PDCD4: variants seen among roughly 807,000 people sequenced by gnomAD.
PDCD4 encodes the protein programmed cell death 4, also known as programmed cell death protein 4.
PDCD4 carries 56 observed loss-of-function variants against 54.0 expected under a neutral mutation model. The observed-to-expected ratio is 1.04, with a 90% confidence interval of 0.84 to 1.30. PDCD4 has a LOEUF of 1.30. Among genes scored for constraint, PDCD4 ranks in the 50% most tolerant of loss-of-function variants. The probability of loss-of-function intolerance (pLI) is 0.00; values close to 1 mark genes in which losing one functional copy is unlikely to be tolerated. For synonymous variants in PDCD4, 186 were observed against 194.8 expected (o/e 0.95, Z 0.37); for missense variants, 584 against 559.8 (o/e 1.04, Z -0.44).
chr10:110,875,955 TA>T lies in PDCD4; in HGVS notation c.-62-4del. 5 of 1,261,008 alleles carry T rather than the reference TA, an allele frequency of 4.0e-6. No individual in the cohort carries two copies. The highest frequency in any genetic ancestry group is 2.3e-5 in the Admixed American group (1 of 43,480). 78.1% of individuals were successfully genotyped at this position (1,261,008 alleles called of 1,614,324 possible). A position where few individuals can be genotyped will look rare whatever the true frequency, so the allele number is the denominator to read the frequency against. On this transcript the variant is annotated splice_polypyrimidine_tract_variant and intron_variant, in intron 1 of 11. Transcript: ENST00000280154. Reference sequence around the variant, plus strand: ...ATCTTGAAGCTTTCTTTTTTTCTTTTAAAAAAACAGATTCTGAAGGAAGATT... The same window carrying T: ...ATCTTGAAGCTTTCTTTTTTTCTTTTAAAAAACAGATTCTGAAGGAAGATT...
At chr10:110,897,949 C>G (rs1845870040) in intron 11 of PDCD4, 79 bp from the exon 12 acceptor site, 1 of 993,920 alleles carries the variant, frequency 1.0e-6, no homozygotes, top group East Asian at 2.7e-5. Flanking sequence ...GAAAAAATAC[C>G]AAGTTTTTAA....
chr10:110,894,393 T>C lies in PDCD4; in HGVS notation c.1099-19T>C. On this transcript the variant is annotated intron_variant, in intron 9 of 11. Transcript: ENST00000280154. ...ATATATGAATTAACCAAAAATTCAC[T>C]CATTGATTCAATTTTTAGGCTATTA... 1 of 1,284,388 alleles carries C rather than the reference T, an allele frequency of 7.8e-7. No individual in the cohort carries two copies. Among genetic ancestry groups the C allele is most frequent in the Non-Finnish European group, 1.1e-6 (1 of 885,000 alleles). 79.6% of individuals were successfully genotyped at this position (1,284,388 alleles called of 1,614,324 possible).
At chr10:110,886,370 A>T (rs1845669636) in intron 5 of PDCD4, among the ~76,000 whole-genome samples, 1 of 152,156 alleles carries the variant, frequency 6.6e-6, no homozygotes, top group African/African-American at 2.4e-5. Flanking sequence ...AAGGATGTTG[A>T]GGAGTTCGCC....
intron 1 of PDCD4, among the ~76,000 whole-genome samples, chr10:110,872,621 T>C (rs754537388): frequency 2.6e-4 from 39 of 152,190 alleles, no homozygotes; most frequent in Non-Finnish European, 4.9e-4. Flanking sequence ...CCGGCCGCTG[T>C]GGGGAGGGGC....
At chr10:110,896,201 G>C (rs1845830161) in intron 11 of PDCD4, 114 bp downstream of exon 11, 1 of 757,604 alleles carries the variant, frequency 1.3e-6, no homozygotes. Flanking sequence ...CGTGACTCTT[G>C]TGAGTTCATG....
At chr10:110,895,314 A>G (rs1030759998) in intron 10 of PDCD4, among the ~76,000 whole-genome samples, 3 of 152,150 alleles carry the variant, frequency 2.0e-5, no homozygotes, top group African/African-American at 4.8e-5. Context: ...TCTCACTTAC[A>G]AGTGAGACCA....
chr10:110,889,985 TAAG>T (rs1328132119), intron 7 of PDCD4, among the ~76,000 whole-genome samples: 11 of 152,360 alleles, frequency 7.2e-5, no homozygotes, highest in Admixed American at 1.3e-4. Context: ...TGGATAACCT[TAAG>T]AAGAGAGGCC....
chr10:110,883,539 T>G (rs1845624054), intron 4 of PDCD4, among the ~76,000 whole-genome samples: 1 of 149,096 alleles, frequency 6.7e-6, no homozygotes, highest in Admixed American at 6.6e-5. Context: ...AATTTTTTAT[T>G]TTTTTTAATG....
intron 1 of PDCD4, among the ~76,000 whole-genome samples, chr10:110,873,489 G>A (rs1845453938): frequency 6.6e-6 from 1 of 152,218 alleles, no homozygotes; most frequent in Admixed American, 6.5e-5. Flanking sequence ...GAATGTCTTG[G>A]CAGTTGAATA....
At chr10:110,891,104 G>A (rs1426571032) in intron 8 of PDCD4, among the ~76,000 whole-genome samples, 1 of 152,052 alleles carries the variant, frequency 6.6e-6, no homozygotes, top group East Asian at 1.9e-4. Context: ...ATTTTTGTGA[G>A]GACATTCACT....
intron 5 of PDCD4, among the ~76,000 whole-genome samples, chr10:110,886,206 A>G (rs1325818757): frequency 6.6e-6 from 1 of 152,202 alleles, no homozygotes. Context: ...GTTATAGAGG[A>G]AAAGTTTCCA....
intron 1 of PDCD4, among the ~76,000 whole-genome samples, chr10:110,874,695 A>C (rs11813593): frequency 0.069 from 10,451 of 152,248 alleles, 505 homozygotes; most frequent in African/African-American, 0.14. Flanking sequence ...TAAGAAGCCT[A>C]TAATTTTAAC....
chr10:110,880,553 A>C (rs1845574760), intron 2 of PDCD4: 1 of 152,280 alleles, frequency 6.6e-6, no homozygotes, highest in African/African-American at 2.4e-5. Flanking sequence ...TCTTGAAAGC[A>C]AACTTTGTCT....
chr10:110,876,253 C>T (rs1035548755), intron 2 of PDCD4, among the ~76,000 whole-genome samples, 183 bp downstream of exon 2: 3 of 152,086 alleles, frequency 2.0e-5, no homozygotes, highest in Admixed American at 2.0e-4. Flanking sequence ...TGCCACCACA[C>T]CAGGCTAATT....
intron 4 of PDCD4, 49 bp downstream of exon 4, chr10:110,883,146 T>C: frequency 8.2e-7 from 1 of 1,224,470 alleles, no homozygotes; most frequent in South Asian, 1.3e-5. Flanking sequence ...TATGAACTTT[T>C]TTGACTTCAT....
intron 4 of PDCD4, among the ~76,000 whole-genome samples, chr10:110,883,726 A>G (rs1363973084): frequency 6.6e-6 from 1 of 152,062 alleles, no homozygotes; most frequent in African/African-American, 2.4e-5. Flanking sequence ...AAATGTTTTG[A>G]TTATGTTTTT....
intron 1 of PDCD4, 105 bp from the exon 2 acceptor site, chr10:110,875,858 TTTG>T (rs1297046188): frequency 4.4e-6 from 2 of 451,140 alleles, no homozygotes; most frequent in Non-Finnish European, 8.0e-6. Flanking sequence ...TTGTGTGTTT[TTTG>T]TTGTTGTCGT....
chr10:110,887,059 A>C (rs1168564273), intron 5 of PDCD4, among the ~76,000 whole-genome samples: 1 of 152,194 alleles, frequency 6.6e-6, no homozygotes, highest in Non-Finnish European at 1.5e-5. Context: ...AACTCCTAAT[A>C]CCAATCTCAG....
intron 8 of PDCD4, among the ~76,000 whole-genome samples, chr10:110,893,514 G>A (rs929057355): frequency 3.3e-5 from 5 of 151,814 alleles, no homozygotes; most frequent in African/African-American, 1.2e-4. Context: ...TCAAGTTTGA[G>A]CGGGAAAATC....
Sources: allele counts gnomAD v4.1 joint callset (sites outside exome capture counted in the v4.1 genomes callset), GRCh38; gene constraint gnomAD v4.1.1; transcripts MANE v1.5; gene names NCBI Gene and HGNC (gene_info 2026-07-23, HGNC 2026-07-21).